RIN2: variants seen among roughly 807,000 people sequenced by gnomAD.
RIN2 encodes the protein Ras and Rab interactor 2.
A neutral mutation model predicts 78.0 loss-of-function variants in RIN2; 36 were observed. The ratio of observed to expected loss-of-function variants is 0.46; its 90% CI spans 0.35 to 0.61. The LOEUF (loss-of-function observed/expected upper bound fraction) is 0.61. Among genes scored for constraint, RIN2 ranks in the 20% least tolerant of loss-of-function variants. The pLI is 0.00. For missense variants in RIN2, 1,087 were observed against 1,159.7 expected (o/e 0.94, Z 0.91); for synonymous variants, 466 against 466.8 (o/e 1.00, Z 0.02).
intron 3 of RIN2, among the ~76,000 whole-genome samples, chr20:19,933,233 T>C (rs1332075037): frequency 1.3e-5 from 2 of 152,190 alleles, no homozygotes; most frequent in Non-Finnish European, 2.9e-5. Context: ...TTCCAATGGT[T>C]CTTATCATGG....
chr20:19,965,025 G>A lies in RIN2; in HGVS notation c.536+1G>A. 1.9e-6 allele frequency: 3 copies of A among 1,611,164 alleles called. No homozygotes were observed. Among genetic ancestry groups the A allele is most frequent in the Non-Finnish European group, 1.7e-6 (2 of 1,178,204 alleles). On this transcript the variant is annotated splice_donor_variant, in intron 7 of 12. Coordinates refer to ENST00000255006, the MANE Select transcript of RIN2 (RefSeq NM_018993.4). LOFTEE classifies it high-confidence loss of function. ...TCATTGCTTTCTACTGCATCAGCAG[G>A]TAAGGCCTCTTCCTCTCATATGGTT...
intron 5 of RIN2, among the ~76,000 whole-genome samples, chr20:19,959,600 A>C (rs770666532): frequency 6.6e-6 from 1 of 152,196 alleles, no homozygotes; most frequent in Non-Finnish European, 1.5e-5. Flanking sequence ...ATCTTATGAG[A>C]TATCAACTGG....
intron 2 of RIN2, among the ~76,000 whole-genome samples, chr20:19,877,559 C>T (rs2037895272): frequency 6.6e-6 from 1 of 152,132 alleles, no homozygotes; most frequent in South Asian, 2.1e-4. Context: ...AGAGTCTGAC[C>T]TCTTTGCTGG....
intron 3 of RIN2, among the ~76,000 whole-genome samples, chr20:19,928,871 C>T (rs554381923): frequency 6.6e-6 from 1 of 152,322 alleles, no homozygotes; most frequent in African/African-American, 2.4e-5. Context: ...GGCAACACAT[C>T]ACCCCTCTGT....
intron 1 of RIN2, among the ~76,000 whole-genome samples, chr20:19,768,483 G>A (rs1325865063): frequency 6.6e-6 from 1 of 152,230 alleles, no homozygotes; most frequent in Non-Finnish European, 1.5e-5. Context: ...GGCAAAGCGA[G>A]TCCCATAGAG....
chr20:19,975,896 C>G lies in RIN2; in HGVS notation c.1762+109C>G. On this transcript the variant is annotated intron_variant, in intron 9 of 12. Transcript: ENST00000255006. The surrounding 1 kb of genome is among the most constrained non-coding windows in gnomAD (Gnocchi z 4.9). ...TTTACTCCGAAGTTCAAAACAACACCCAGCTCCACCTTCTCTCCCGGTTTG... is the reference window on the plus strand; with the variant it reads ...TTTACTCCGAAGTTCAAAACAACACGCAGCTCCACCTTCTCTCCCGGTTTG... 2 of 997,698 alleles carry G rather than the reference C, an allele frequency of 2.0e-6. No individual in the cohort carries two copies. Among genetic ancestry groups the G allele is most frequent in the Non-Finnish European group, 3.1e-6 (2 of 648,152 alleles). The allele number at this position is 997,698 out of a possible 1,614,324, so 61.8% of individuals were successfully genotyped here.
chr20:19,778,264 G>A (rs1209577874), intron 1 of RIN2, among the ~76,000 whole-genome samples: 1 of 152,222 alleles, frequency 6.6e-6, no homozygotes, highest in African/African-American at 2.4e-5. Flanking sequence ...CAGAATTTGA[G>A]ATAACAAAAG....
In RIN2 at chr20:19,901,373, C is replaced by T. The variant is rs60056718; in HGVS notation, c.57+11715C>T. Among the ~76,000 whole-genome samples the T allele has an allele frequency of 7.3e-3, 1,066 of 146,800 alleles. 9 individuals are homozygous for T. The highest frequency in any genetic ancestry group is 0.025 in the African/African-American group (1,011 of 39,952). ...TGCACACAGATACATGGGTGGACAT[C>T]CTCAGAGGCAGGGTGACTCAGCCGA... is the stretch of plus-strand genomic sequence containing the variant. On this transcript the variant is annotated intron_variant, in intron 3 of 12. Coordinates refer to ENST00000255006, the MANE Select transcript of RIN2 (RefSeq NM_018993.4).
chr20:19,809,215 G>A (rs2035509962), intron 2 of RIN2: 1 of 152,368 alleles, frequency 6.6e-6, no homozygotes. Flanking sequence ...TGATCTGAAT[G>A]ATAGCAGTGA....
chr20:19,936,097 A>T (rs1211964069), intron 4 of RIN2, among the ~76,000 whole-genome samples: 1 of 152,206 alleles, frequency 6.6e-6, no homozygotes, highest in Non-Finnish European at 1.5e-5. Flanking sequence ...CCATACGCTG[A>T]CGGGAGAGAG....
At chr20:19,882,583 G>C (rs1600689503) in intron 2 of RIN2, among the ~76,000 whole-genome samples, 1 of 152,308 alleles carries the variant, frequency 6.6e-6, no homozygotes, top group African/African-American at 2.4e-5. Context: ...AAGTCCCAGT[G>C]TGTGTGGCTT....
chr20:19,759,758 G>A (rs1029539590), intron 1 of RIN2, among the ~76,000 whole-genome samples: 8 of 152,158 alleles, frequency 5.3e-5, no homozygotes, highest in African/African-American at 1.2e-4. Flanking sequence ...CCAGCTACTC[G>A]GGAGGCTGAG....
intron 2 of RIN2, among the ~76,000 whole-genome samples, chr20:19,856,696 A>T (rs1373196478): frequency 6.6e-6 from 1 of 152,178 alleles, no homozygotes; most frequent in Non-Finnish European, 1.5e-5. Flanking sequence ...GTTTCATTAG[A>T]TGATACATAA....
chr20:19,855,461 A>C (rs2037133890), intron 2 of RIN2, among the ~76,000 whole-genome samples: 1 of 152,160 alleles, frequency 6.6e-6, no homozygotes. Context: ...GAATGGTGCC[A>C]GCTCCTCCTC....
intron 2 of RIN2, among the ~76,000 whole-genome samples, chr20:19,861,803 A>C (rs2037350106): frequency 6.7e-6 from 1 of 148,432 alleles, no homozygotes; most frequent in Admixed American, 6.7e-5. Context: ...CACCCTCCAT[A>C]TCTAATGATG....
chr20:19,795,589 G>A (rs1378610038), intron 1 of RIN2, among the ~76,000 whole-genome samples: 1 of 152,186 alleles, frequency 6.6e-6, no homozygotes, highest in African/African-American at 2.4e-5. Context: ...TCTGATGTTA[G>A]AAGGGGTTCT....
intron 12 of RIN2, among the ~76,000 whole-genome samples, chr20:19,999,170 G>A (rs2043063929): frequency 6.6e-6 from 1 of 152,056 alleles, no homozygotes; most frequent in Non-Finnish European, 1.5e-5. Context: ...AAAGGCGGTG[G>A]GGCTGCATCT....
At position 20,000,799 on chromosome 20, in the gene RIN2, A is replaced by T; in HGVS notation, c.2551A>T (p.Thr851Ser). 1.2e-6 allele frequency: 2 copies of T among 1,613,956 alleles called. No homozygotes were observed. The highest frequency in any genetic ancestry group is 1.7e-6 in the Non-Finnish European group (2 of 1,179,888). Residue 851 changes from threonine to serine, a missense_variant, in exon 13 of 13, where the codon ACT (threonine) becomes TCT (serine). Transcript: ENST00000255006. Reference protein sequence around the residue: ...DETWQQLAEDTYPQKIKAELH... With the variant: ...DETWQQLAEDSYPQKIKAELH... ...GACATGGCAGCAGCTGGCAGAGGACACTTACCCTCAAAAAATCAAGGCGGA... is the reference window on the plus strand; with the variant it reads ...GACATGGCAGCAGCTGGCAGAGGACTCTTACCCTCAAAAAATCAAGGCGGA...
rs2043131259 is a variant in RIN2 at position 20,001,143 on chromosome 20, G to T, written c.*207G>T. On this transcript the variant is annotated 3_prime_UTR_variant, in exon 13 of 13. Coordinates refer to ENST00000255006, the MANE Select transcript of RIN2 (RefSeq NM_018993.4). Reference sequence around the variant, plus strand: ...TGTGAAACAGTAGGATTCTCTTTTGGCAATGGAGAATTGCATCTGATGGTT... The same window carrying T: ...TGTGAAACAGTAGGATTCTCTTTTGTCAATGGAGAATTGCATCTGATGGTT... 5.4e-6 allele frequency: 3 copies of T among 557,068 alleles called. No homozygotes were observed. In the East Asian group the frequency reaches 8.5e-5, roughly 16 times the overall value. The allele number at this position is 557,068 out of a possible 1,614,324, so 34.5% of individuals were successfully genotyped here.
Sources: allele counts gnomAD v4.1 joint callset (sites outside exome capture counted in the v4.1 genomes callset), GRCh38; gene constraint gnomAD v4.1.1; non-coding constraint Gnocchi (gnomAD v3.1); transcripts MANE v1.5; gene names NCBI Gene and HGNC (gene_info 2026-07-23, HGNC 2026-07-21).